Variants in XXYLT1 observed in about 807,000 individuals in gnomAD.
The protein encoded by XXYLT1 is xyloside xylosyltransferase 1.
A neutral mutation model predicts 28.9 loss-of-function variants in XXYLT1; 20 were observed. The ratio of observed to expected loss-of-function variants is 0.69; its 90% CI spans 0.49 to 1.00. The LOEUF is 1.00. Ranked by LOEUF, XXYLT1 falls within the 50% of genes least tolerant of loss-of-function variation. The pLI is 0.00. For synonymous variants in XXYLT1, 257 were observed against 253.8 expected, an observed-to-expected ratio of 1.01 and a Z score of -0.12; for missense variants, 542 against 560.1, an observed-to-expected ratio of 0.97 and a Z score of 0.33.
chr3:195,110,270 T>A (rs1717492995), intron 3 of XXYLT1, among the ~76,000 whole-genome samples: 5 of 30,890 alleles, frequency 1.6e-4, no homozygotes, highest in East Asian at 9.5e-4. Context: ...TGTGGGTGTG[T>A]GGTGTGTGTG....
At chr3:195,110,271 G>T (rs1435525614) in intron 3 of XXYLT1, among the ~76,000 whole-genome samples, 2 of 31,096 alleles carry the variant, frequency 6.4e-5, no homozygotes, top group African/African-American at 2.4e-4. Context: ...GTGGGTGTGT[G>T]GTGTGTGTGG....
Position 195,270,834 on chromosome 3 carries a change from C to A in XXYLT1, c.225G>T (p.Arg75=), listed in dbSNP as rs769809928. Residue 75 remains arginine, a synonymous_variant, in exon 1 of 4, where the codon CGG becomes CGT. Coordinates refer to ENST00000310380, the MANE Select transcript of XXYLT1 (RefSeq NM_152531.5). ...APSPPALELA[R]GSVAPAPGAK... Reference sequence around the variant, plus strand: ...CGCCGGGGGCTGGCGCCACGGAGCCCCGCGCTAGCTCCAGCGCGGGCGGCG... The same window carrying A: ...CGCCGGGGGCTGGCGCCACGGAGCCACGCGCTAGCTCCAGCGCGGGCGGCG... The A allele has an allele frequency of 4.8e-6, 7 of 1,464,808 alleles. No individual in the cohort carries two copies. Among genetic ancestry groups the A allele is most frequent in the East Asian group, 2.9e-5 (1 of 34,112 alleles). The allele number at this position is 1,464,808 out of a possible 1,614,324, so 90.7% of individuals were successfully genotyped here.
intron 2 of XXYLT1, 150 bp downstream of exon 2, chr3:195,226,559 T>TCGCCGTATCATTAA: frequency 2.0e-6 from 2 of 987,210 alleles, no homozygotes; most frequent in Non-Finnish European, 2.8e-6. Flanking sequence ...AGCTCGGTGG[T>TCGCCGTATCATTAA]ACAAAGGGCT....
intron 2 of XXYLT1, among the ~76,000 whole-genome samples, chr3:195,198,888 G>A (rs766402934): frequency 1.3e-5 from 2 of 152,108 alleles, no homozygotes; most frequent in South Asian, 2.1e-4. Context: ...TTCGAGAAAC[G>A]CAGACAAGAG....
intron 3 of XXYLT1, among the ~76,000 whole-genome samples, chr3:195,116,130 G>A (rs192257164): frequency 1.3e-4 from 20 of 152,264 alleles, no homozygotes; most frequent in Non-Finnish European, 2.4e-4. Flanking sequence ...CTGTGTTCTG[G>A]TAGGTGACAT....
chr3:195,218,362 TCA>T (rs201129865), intron 2 of XXYLT1, among the ~76,000 whole-genome samples: 4,387 of 151,540 alleles, frequency 0.029, 39 homozygotes, highest in East Asian at 0.091. Context: ...GAAACTACCA[TCA>T]GAGTGAACAG....
At chr3:195,157,640 C>T (rs972980596) in intron 2 of XXYLT1, among the ~76,000 whole-genome samples, 2 of 152,160 alleles carry the variant, frequency 1.3e-5, no homozygotes, top group African/African-American at 4.8e-5. Context: ...GTGCCAGGCA[C>T]CAAGCTGACC....
intron 3 of XXYLT1, among the ~76,000 whole-genome samples, chr3:195,109,431 T>C (rs1300792743): frequency 6.7e-6 from 1 of 149,386 alleles, no homozygotes; most frequent in East Asian, 2.0e-4. Flanking sequence ...GTGTTGGTGG[T>C]GTATGAGTGT....
intron 3 of XXYLT1, among the ~76,000 whole-genome samples, chr3:195,154,907 G>A (rs900624078): frequency 5.9e-5 from 9 of 152,116 alleles, no homozygotes; most frequent in Non-Finnish European, 1.2e-4. Context: ...TCACTGCTGC[G>A]ACCACTATCA....
chr3:195,228,895 C>T (rs1724181323), intron 1 of XXYLT1, among the ~76,000 whole-genome samples: 1 of 151,846 alleles, frequency 6.6e-6, no homozygotes, highest in Non-Finnish European at 1.5e-5. Flanking sequence ...TCACTGTAAC[C>T]TCTGCTTCCC....
chr3:195,269,077 T>C (rs555347670), intron 1 of XXYLT1, among the ~76,000 whole-genome samples: 3 of 152,314 alleles, frequency 2.0e-5, no homozygotes, highest in African/African-American at 7.2e-5. Context: ...CAAAGGCAAG[T>C]AGGCTGGAAA....
At chr3:195,247,879 A>G (rs1725097521) in intron 1 of XXYLT1, 1 of 691,392 alleles carries the variant, frequency 1.4e-6, no homozygotes, top group Non-Finnish European at 2.6e-6. Flanking sequence ...AGCGCTACAC[A>G]CTTTCAAACA....
In XXYLT1 at chr3:195,069,952, C is replaced by T. The variant is rs1223956611; in HGVS notation, c.945G>A (p.Val315=). 5 of 1,612,266 alleles carry T rather than the reference C, an allele frequency of 3.1e-6. No homozygotes were observed. In the South Asian group the frequency reaches 3.3e-5, roughly 11 times the overall value. ...AGTGGTACTTGTCGGCCAGCTGCTG[C>T]ACCTGCGCCGGCTCCAGCAGGCGGC... ...LYSRLLEPAQ[V]QQLADKYHFR... The change falls in exon 4 of 4, where the codon GTG becomes GTA. Residue 315 remains valine (V), a synonymous_variant. Transcript: ENST00000310380.
chr3:195,259,766 G>C (rs1181499348), intron 1 of XXYLT1: 1 of 741,534 alleles, frequency 1.3e-6, no homozygotes, highest in Non-Finnish European at 1.6e-6. Flanking sequence ...ATTCCCCACC[G>C]GCGCCAGGAT....
At chr3:195,266,275 C>G (rs1398079999) in intron 1 of XXYLT1, among the ~76,000 whole-genome samples, 3 of 152,138 alleles carry the variant, frequency 2.0e-5, no homozygotes, top group African/African-American at 7.2e-5. Flanking sequence ...GCAGGTGGAT[C>G]ACGAGGTCAA....
rs938340286 is a variant in XXYLT1 at position 195,255,695 on chromosome 3, A to G, written c.504+14860T>C. Among the ~76,000 whole-genome samples the G allele has an allele frequency of 2.0e-5, 3 of 152,098 alleles. No individual in the cohort carries two copies. The highest frequency in any genetic ancestry group is 7.2e-5 in the African/African-American group (3 of 41,412). ...GGAGACCATGAGTGCAGGGAACCAG[A>G]GAGGGCACAGGAGAGCTGCTCCCAG... On this transcript the variant is annotated intron_variant, in intron 1 of 3. Transcript: ENST00000310380. This position sits in a 1 kb window ranked among gnomAD's most constrained non-coding sequence, Gnocchi z 4.5.
intron 3 of XXYLT1, among the ~76,000 whole-genome samples, chr3:195,093,587 G>A (rs969666721): frequency 1.3e-5 from 2 of 150,356 alleles, no homozygotes; most frequent in South Asian, 2.1e-4. Flanking sequence ...GCTAGATGAC[G>A]AGTTAGTGGG....
chr3:195,128,359 C>T (rs1196601646), intron 3 of XXYLT1, among the ~76,000 whole-genome samples: 5 of 152,148 alleles, frequency 3.3e-5, no homozygotes, highest in Non-Finnish European at 5.9e-5. Flanking sequence ...CAGCTGCCCC[C>T]CTTAAATCTC....
chr3:195,157,821 C>T (rs923472066), intron 2 of XXYLT1, among the ~76,000 whole-genome samples: 10 of 152,194 alleles, frequency 6.6e-5, no homozygotes, highest in African/African-American at 2.4e-4. Context: ...AATCAGAACA[C>T]ACGAGTGCAA....
Sources: gnomAD v4.1 joint callset for allele counts (sites outside exome capture counted in the v4.1 genomes callset) on GRCh38, gnomAD v4.1.1 for gene constraint, Gnocchi (gnomAD v3.1) non-coding constraint, MANE v1.5 for transcripts, NCBI Gene and HGNC (gene_info 2026-07-23, HGNC 2026-07-21) for gene names.